Variants in XYLT1 observed in about 807,000 individuals in gnomAD.
The protein encoded by XYLT1 is beta-D-xylosyltransferase 1.
Under a neutral mutation model 91.3 loss-of-function variants are expected in XYLT1, and 36 were observed. That is an observed-to-expected ratio of 0.39 (90% confidence interval 0.30 to 0.52). The LOEUF (loss-of-function observed/expected upper bound fraction) is 0.52. XYLT1 is among the 20% of genes least tolerant of loss of function. The pLI is 0.68. For missense variants in XYLT1, 1,242 were observed against 1,284.5 expected (o/e 0.97, Z 0.51); for synonymous variants, 588 against 532.0 (o/e 1.11, Z -1.45).
intron 1 of XYLT1, among the ~76,000 whole-genome samples, chr16:17,431,644 G>A (rs576123269): frequency 4.4e-4 from 67 of 152,292 alleles, no homozygotes; most frequent in Admixed American, 2.2e-3. Flanking sequence ...ATGCTACACC[G>A]TTTTTAACCA....
At chr16:17,466,575 C>G (rs2036900036) in intron 1 of XYLT1, among the ~76,000 whole-genome samples, 2 of 152,238 alleles carry the variant, frequency 1.3e-5, no homozygotes, top group South Asian at 4.1e-4. Flanking sequence ...GGCTGGCTTC[C>G]TAGGTGAAAA....
rs34575069 is a variant in XYLT1 at position 17,464,489 on chromosome 16, CA to C, written c.363+5944del. 4.1e-3 allele frequency among the ~76,000 whole-genome samples: 487 copies of C among 120,050 alleles called. 2 individuals are homozygous for C. The highest frequency in any genetic ancestry group is 0.014 in the African/African-American group (427 of 31,446). 78.8% of individuals were successfully genotyped at this position (120,050 alleles called of 152,430 possible). On this transcript the variant is annotated intron_variant, in intron 1 of 11. Transcript: ENST00000261381. The stretch of plus-strand genomic sequence containing the variant: ...GCCGGGCAACAGAGCAAAACTGTCT[CA>C]AAAAAAAAAAAAAAAAAAGGAGCTA...
intron 3 of XYLT1, among the ~76,000 whole-genome samples, chr16:17,215,040 C>A (rs1007614833): frequency 6.6e-6 from 1 of 152,122 alleles, no homozygotes; most frequent in Non-Finnish European, 1.5e-5. Flanking sequence ...GGAGATGTGG[C>A]CTTTAAGGAG....
At chr16:17,400,985 T>TAC (rs71373111) in intron 1 of XYLT1, among the ~76,000 whole-genome samples, 3,400 of 148,732 alleles carry the variant, frequency 0.023, 58 homozygotes, top group African/African-American at 0.048. Context: ...CTCTCTTTCA[T>TAC]ACACACACAC....
Position 17,134,684 on chromosome 16 carries a change from G to C in XYLT1, c.1816C>G (p.Gln606Glu). The C allele has an allele frequency of 6.2e-7, 1 of 1,614,172 alleles. No individual in the cohort carries two copies. The highest frequency in any genetic ancestry group is 8.5e-7 in the Non-Finnish European group (1 of 1,180,022). The change falls in exon 9 of 12, where the codon CAG (glutamine) becomes GAG (glutamate). Residue 606 changes from glutamine to glutamate, a missense_variant. Coordinates refer to ENST00000261381, the MANE Select transcript of XYLT1 (RefSeq NM_022166.4). ...FARKFEAVVN[Q>E]EIIGQLDYYL... ...TAGTCCAGCTGCCCAATGATTTCCT[G>C]ATTCACCACGGCTTCAAACTTGCGG... is the stretch of plus-strand genomic sequence containing the variant.
At chr16:17,339,029 G>A (rs181683029) in intron 2 of XYLT1, among the ~76,000 whole-genome samples, 1 of 152,236 alleles carries the variant, frequency 6.6e-6, no homozygotes, top group East Asian at 1.9e-4. Flanking sequence ...ACAGTCAGGA[G>A]GGAAAAAAGA....
rs1272127217 is a variant in XYLT1 at position 17,337,768 on chromosome 16, A to AATTTTTCTTTTTTT, written c.402+20243_402+20244insAAAAAAAGAAAAAT. 2.0e-5 allele frequency among the ~76,000 whole-genome samples: 2 copies of AATTTTTCTTTTTTT among 102,552 alleles called. 1 individual carries two copies. Among genetic ancestry groups the AATTTTTCTTTTTTT allele is most frequent in the Non-Finnish European group, 4.0e-5 (2 of 49,812 alleles). The allele number at this position is 102,552 out of a possible 152,430, so 67.3% of individuals were successfully genotyped here. A position where few individuals can be genotyped will look rare whatever the true frequency, so the allele number is the denominator to read the frequency against. On this transcript the variant is annotated intron_variant, in intron 2 of 11. Coordinates refer to ENST00000261381, the MANE Select transcript of XYLT1 (RefSeq NM_022166.4). ...CTGAGTCCTACTTTGTCTGTTCCAC[A>AATTTTTCTTTTTTT]TTTTTTCTTTTTCTTTTTTTTTTTT...
At chr16:17,298,975 A>G (rs903462683) in intron 2 of XYLT1, among the ~76,000 whole-genome samples, 1 of 152,070 alleles carries the variant, frequency 6.6e-6, no homozygotes, top group Non-Finnish European at 1.5e-5. Context: ...TACAATGTCT[A>G]TTATTAATAT....
intron 1 of XYLT1, among the ~76,000 whole-genome samples, chr16:17,428,907 C>A (rs2036353230): frequency 1.3e-5 from 2 of 152,288 alleles, no homozygotes; most frequent in South Asian, 4.2e-4. Context: ...CAATCAGCTA[C>A]CTGCAGGGTC....
intron 1 of XYLT1, among the ~76,000 whole-genome samples, chr16:17,359,301 T>C (rs773029686): frequency 6.6e-6 from 1 of 152,182 alleles, no homozygotes; most frequent in African/African-American, 2.4e-5. Flanking sequence ...TAGGAAGCCA[T>C]GCAAATTAGC....
intron 7 of XYLT1, 50 bp from the exon 8 acceptor site, chr16:17,138,581 G>GATGAACTGGGGTGGGAA (rs1377679514): frequency 3.1e-6 from 5 of 1,589,584 alleles, no homozygotes; most frequent in Non-Finnish European, 1.7e-6. Flanking sequence ...GCCTCCCACA[G>GATGAACTGGGGTGGGAA]ATGAACTGGG....
chr16:17,270,429 G>A (rs544385041), intron 2 of XYLT1, among the ~76,000 whole-genome samples: 6 of 152,298 alleles, frequency 3.9e-5, no homozygotes, highest in Middle Eastern at 3.4e-3. Context: ...AGCGCTCAGA[G>A]CACCCAAGGG....
intron 1 of XYLT1, among the ~76,000 whole-genome samples, chr16:17,361,777 T>C (rs1202441786): frequency 6.6e-6 from 1 of 152,232 alleles, no homozygotes; most frequent in Non-Finnish European, 1.5e-5. Flanking sequence ...TGCCTGAAAA[T>C]ACATACAGTT....
intron 3 of XYLT1, among the ~76,000 whole-genome samples, chr16:17,216,280 G>C (rs974561352): frequency 2.0e-5 from 3 of 152,214 alleles, no homozygotes; most frequent in African/African-American, 7.2e-5. Context: ...CTCGAGGAGG[G>C]AACAACTCTT....
At chr16:17,382,643 G>C (rs62030319) in intron 1 of XYLT1, among the ~76,000 whole-genome samples, 2 of 151,796 alleles carry the variant, frequency 1.3e-5, no homozygotes, top group South Asian at 4.1e-4. Context: ...TGGCCCTACA[G>C]AGGAGCCAGT....
intron 3 of XYLT1, among the ~76,000 whole-genome samples, chr16:17,223,058 C>T (rs1189904936): frequency 6.6e-6 from 1 of 151,318 alleles, no homozygotes; most frequent in African/African-American, 2.4e-5. Flanking sequence ...AAAAGAAAGG[C>T]TGACATTTGT....
chr16:17,418,004 A>G (rs950769253), intron 1 of XYLT1, among the ~76,000 whole-genome samples: 11 of 152,190 alleles, frequency 7.2e-5, no homozygotes, highest in African/African-American at 2.4e-4. Flanking sequence ...AGACACCTTG[A>G]GCAACCACCA....
Position 17,244,351 on chromosome 16 carries a change from G to A in XYLT1, c.913+14637C>T, listed in dbSNP as rs575580974. 5.9e-5 allele frequency among the ~76,000 whole-genome samples: 9 copies of A among 152,270 alleles called. No homozygotes were observed. The South Asian group carries it at 8.3e-4, about 14-fold the overall frequency. On this transcript the variant is annotated intron_variant, in intron 3 of 11. Transcript: ENST00000261381. ...CACGCAAGAAAATTGCTGGGATCTCGGAGGACTAGGCACGAGAGATGTTAC... is the reference window on the plus strand; with the variant it reads ...CACGCAAGAAAATTGCTGGGATCTCAGAGGACTAGGCACGAGAGATGTTAC...
chr16:17,275,061 C>T (rs1020071264), intron 2 of XYLT1, among the ~76,000 whole-genome samples: 4 of 152,050 alleles, frequency 2.6e-5, no homozygotes, highest in Non-Finnish European at 5.9e-5. Context: ...CCTGTAATAC[C>T]AGCTACTCGG....
Sources: allele counts gnomAD v4.1 joint callset (sites outside exome capture counted in the v4.1 genomes callset), GRCh38; gene constraint gnomAD v4.1.1; transcripts MANE v1.5; gene names NCBI Gene and HGNC (gene_info 2026-07-23, HGNC 2026-07-21).